CDH3: variants seen among roughly 807,000 people sequenced by gnomAD.
CDH3 encodes the protein cadherin-3.
Under a neutral mutation model 82.0 loss-of-function variants are expected in CDH3, and 54 were observed. The ratio of observed to expected loss-of-function variants is 0.66; its 90% CI spans 0.53 to 0.83. The LOEUF is 0.83. Among genes scored for constraint, CDH3 ranks in the 40% least tolerant of loss-of-function variants. The probability of loss-of-function intolerance (pLI) is 0.00; values close to 1 mark genes in which losing one functional copy is unlikely to be tolerated. For synonymous variants in CDH3, 446 were observed against 437.9 expected, an observed-to-expected ratio of 1.02 and a Z score of -0.23; for missense variants, 1,054 against 1,084.6, an observed-to-expected ratio of 0.97 and a Z score of 0.40.
In CDH3 at chr16:68,684,702, G is replaced by T. The variant is rs374771554; in HGVS notation, c.1302G>T (p.Val434=). Residue 434 remains valine, a synonymous_variant, in exon 10 of 16, where the codon GTG becomes GTT. Transcript: ENST00000264012. ...CCATAGTGGTCCACGTGGAGGATGT[G>T]AATGAGGCACCTGTGTTTGTCCCAC... ...TATIVVHVED[V]NEAPVFVPPS... 19 of 1,614,104 alleles carry T rather than the reference G, an allele frequency of 1.2e-5. No individual in the cohort carries two copies. The highest frequency in any genetic ancestry group is 1.6e-5 in the Non-Finnish European group (19 of 1,180,054).
At chr16:68,651,512 C>T in intron 2 of CDH3, 1 of 495,886 alleles carries the variant, frequency 2.0e-6, no homozygotes, top group Non-Finnish European at 4.0e-6. Context: ...GCTCCTGCTT[C>T]TTTGAGTACC....
chr16:68,685,095 C>T, intron 10 of CDH3, 110 bp from the exon 11 acceptor site: 1 of 1,332,652 alleles, frequency 7.5e-7, no homozygotes, highest in Non-Finnish European at 1.1e-6. Flanking sequence ...TCCATATGAT[C>T]CTGCTTAGGA....
At chr16:68,730,457 C>T (rs146698447), downstream of CDH3, among the ~76,000 whole-genome samples, 1,119 of 151,954 alleles carry the variant, frequency 7.4e-3, 16 homozygotes, top group African/African-American at 0.025. Context: ...ACCCAGGAGA[C>T]GGAAGTTGCG....
chr16:68,651,603 A>G lies in CDH3; in HGVS notation c.160+5853A>G, dbSNP rs904038202. The G allele has an allele frequency of 4.2e-5, 21 of 505,336 alleles. 2 individuals are homozygous for G. The East Asian group carries it at 9.5e-4, about 23-fold the overall frequency. 31.3% of individuals were successfully genotyped at this position (505,336 alleles called of 1,614,324 possible). On this transcript the variant is annotated intron_variant, in intron 2 of 15. Transcript: ENST00000264012. The stretch of plus-strand genomic sequence containing the variant: ...GGCAAGAAGAGACACCTGCACCTGC[A>G]TCATGTTCCCACTCTCAAACAGGTT...
intron 8 of CDH3, among the ~76,000 whole-genome samples, chr16:68,682,074 G>A (rs934314348): frequency 1.3e-5 from 2 of 152,142 alleles, no homozygotes; most frequent in African/African-American, 2.4e-5. Context: ...AGGCCCCTGC[G>A]TGTAGGGAAA....
Position 68,679,868 on chromosome 16 carries a change from CT to C in CDH3, c.763del (p.Tyr255ThrfsTer42). 1 of 1,613,258 alleles carries C rather than the reference CT, an allele frequency of 6.2e-7. No homozygotes were observed. ...DAIYTYNGVV[A>X]YSIHSQEPKD... ...ATCTACACCTACAATGGGGTGGTTG[CT>C]TACTCCATCCATAGCCAAGAACCAA... is the stretch of plus-strand genomic sequence containing the variant. On this transcript the variant is annotated frameshift_variant, in exon 7 of 16. Transcript: ENST00000264012. LOFTEE classifies it high-confidence loss of function.
chr16:68,705,593 T>C (rs1281768705), intron 1 of CDH3, among the ~76,000 whole-genome samples: 1 of 151,772 alleles, frequency 6.6e-6, no homozygotes, highest in Non-Finnish European at 1.5e-5. Flanking sequence ...GGCTAACTTT[T>C]GTATTTTTAG....
intron 1 of CDH3, among the ~76,000 whole-genome samples, chr16:68,721,449 G>A (rs967880580): frequency 6.6e-6 from 1 of 151,914 alleles, no homozygotes; most frequent in Non-Finnish European, 1.5e-5. Flanking sequence ...GGCCAGGCTG[G>A]TCTCGAACTC....
At chr16:68,709,519 C>T (rs1293682228) in intron 1 of CDH3, among the ~76,000 whole-genome samples, 6 of 152,130 alleles carry the variant, frequency 3.9e-5, no homozygotes. Context: ...AGTACAGTGG[C>T]ACAATCTCGG....
chr16:68,732,970 C>T, the CDH3 span, among the ~76,000 whole-genome samples: 1 of 149,130 alleles, frequency 6.7e-6, no homozygotes, highest in Non-Finnish European at 1.5e-5. Context: ...GGAAGGAGAG[C>T]CTGGGGGAGG....
chr16:68,658,723 G>A (rs1357455749), intron 2 of CDH3, among the ~76,000 whole-genome samples: 3 of 152,114 alleles, frequency 2.0e-5, no homozygotes, highest in South Asian at 2.1e-4. Flanking sequence ...ACCGTACTTC[G>A]AAACCTGCTC....
Position 68,691,820 on chromosome 16 carries a change from G to T in CDH3, c.1896G>T (p.Val632=). The T allele has an allele frequency of 6.2e-7, 1 of 1,614,146 alleles. No homozygotes were observed. Among genetic ancestry groups the T allele is most frequent in the Non-Finnish European group, 8.5e-7 (1 of 1,180,012 alleles). ...SDHGNKEQLT[V]IRATVCDCHG... ...ATGGCAACAAAGAGCAGCTGACGGT[G>T]ATCAGGGCCACTGTGTGCGACTGCC... The change falls in exon 13 of 16, where the codon GTG becomes GTT. Residue 632 remains valine (V), a synonymous_variant. Coordinates refer to ENST00000264012, the MANE Select transcript of CDH3 (RefSeq NM_001793.6).
At chr16:68,664,504 G>A (rs886547674) in intron 2 of CDH3, among the ~76,000 whole-genome samples, 1 of 152,090 alleles carries the variant, frequency 6.6e-6, no homozygotes, top group African/African-American at 2.4e-5. Flanking sequence ...GGTCGGCAGG[G>A]AATCTGGATT....
chr16:68,658,321 C>T lies in CDH3; in HGVS notation c.160+12571C>T, dbSNP rs16958251. 8.1e-3 allele frequency among the ~76,000 whole-genome samples: 1,238 copies of T among 152,274 alleles called. 15 individuals carry two copies. Among genetic ancestry groups the T allele is most frequent in the African/African-American group, 0.029 (1,186 of 41,550 alleles). ...TGGGAAGAGACCTAATGGTATATAT[C>T]CCAGCACAGGCAAGGGAAAAATGGA... On this transcript the variant is annotated intron_variant, in intron 2 of 15. Coordinates refer to ENST00000264012, the MANE Select transcript of CDH3 (RefSeq NM_001793.6).
intron 9 of CDH3, among the ~76,000 whole-genome samples, chr16:68,684,286 C>T (rs564573046): frequency 1.3e-5 from 2 of 152,304 alleles, no homozygotes; most frequent in African/African-American, 2.4e-5. Context: ...GCTGGGATTA[C>T]AGGCATGAGC....
intron 2 of CDH3, among the ~76,000 whole-genome samples, chr16:68,723,996 G>A (rs1962191532): frequency 1.3e-5 from 2 of 151,760 alleles, no homozygotes; most frequent in African/African-American, 4.9e-5. Context: ...GTGAACCCGG[G>A]AGGCGGAGCT....
At chr16:68,693,114 A>G (rs1389652342) in intron 13 of CDH3, among the ~76,000 whole-genome samples, 1 of 152,198 alleles carries the variant, frequency 6.6e-6, no homozygotes, top group Non-Finnish European at 1.5e-5. Context: ...TAGAAAAACA[A>G]AACAAAAAAG....
At chr16:68,703,322 G>T (rs1961919393), downstream of CDH3, among the ~76,000 whole-genome samples, 1 of 152,146 alleles carries the variant, frequency 6.6e-6, no homozygotes, top group African/African-American at 2.4e-5. Context: ...TCACTTCCGG[G>T]CCCACAAAGG....
chr16:68,717,776 GAA>G (rs11306289), intron 1 of CDH3, among the ~76,000 whole-genome samples: 15 of 127,516 alleles, frequency 1.2e-4, no homozygotes, highest in Admixed American at 1.6e-4. Context: ...ATCCTCTAAA[GAA>G]AAAAAAAAAA....
Sources: gnomAD v4.1 joint callset for allele counts (sites outside exome capture counted in the v4.1 genomes callset) on GRCh38, gnomAD v4.1.1 for gene constraint, MANE v1.5 for transcripts, NCBI Gene and HGNC (gene_info 2026-07-23, HGNC 2026-07-21) for gene names.